NXN: variants seen among roughly 807,000 people sequenced by gnomAD.
NXN encodes the protein nucleoredoxin 1.
NXN carries 16 observed loss-of-function variants against 48.6 expected under a neutral mutation model. That is an observed-to-expected ratio of 0.33 (90% CI 0.22 to 0.50). The LOEUF is 0.50. Ranked by LOEUF, NXN falls within the 20% of genes least tolerant of loss-of-function variation. NXN has a pLI of 0.98. For synonymous variants in NXN, 281 were observed against 269.6 expected (o/e 1.04, Z -0.41); for missense variants, 492 against 605.5 (o/e 0.81, Z 1.97).
At chr17:904,382 C>T (rs779585442) in intron 1 of NXN, among the ~76,000 whole-genome samples, 4 of 152,154 alleles carry the variant, frequency 2.6e-5, no homozygotes, top group South Asian at 2.1e-4. Context: ...ACGCACACGT[C>T]GGAAAAAGCT....
rs1305523590 is a variant in NXN, at chr17:849,593, A to G, written c.361-23515T>C. 6.6e-6 allele frequency among the ~76,000 whole-genome samples: 1 copy of G among 151,374 alleles called. No individual in the cohort carries two copies. Among genetic ancestry groups the G allele is most frequent in the Non-Finnish European group, 1.5e-5 (1 of 67,926 alleles). ...AGGAGGGCACCGCACTGGCCCTCTCAGCCTCAGGGGCCGCTGGACTCCCTC... is the reference window on the plus strand; with the variant it reads ...AGGAGGGCACCGCACTGGCCCTCTCGGCCTCAGGGGCCGCTGGACTCCCTC... On this transcript the variant is annotated intron_variant, in intron 1 of 7. Coordinates refer to ENST00000336868, the MANE Select transcript of NXN (RefSeq NM_022463.5). This position sits in a 1 kb window ranked among gnomAD's most constrained non-coding sequence, Gnocchi z 4.2.
chr17:851,099 A>G (rs2067918798), intron 1 of NXN, among the ~76,000 whole-genome samples: 1 of 152,370 alleles, frequency 6.6e-6, no homozygotes, highest in South Asian at 2.1e-4. Context: ...CGCTTTAAAG[A>G]GCATGATAAT....
chr17:879,645 G>A (rs868399052), intron 1 of NXN, among the ~76,000 whole-genome samples: 3 of 152,064 alleles, frequency 2.0e-5, no homozygotes, highest in Non-Finnish European at 1.5e-5. Flanking sequence ...GAAAGGACAC[G>A]ACTCATTGAC....
At chr17:884,152 C>A (rs776844349) in intron 1 of NXN, among the ~76,000 whole-genome samples, 7 of 151,878 alleles carry the variant, frequency 4.6e-5, no homozygotes, top group Non-Finnish European at 8.8e-5. Flanking sequence ...ACCTGGGAGG[C>A]GGAGCTTGCA....
intron 1 of NXN, among the ~76,000 whole-genome samples, chr17:927,157 G>GA (rs2068808738): frequency 6.6e-6 from 1 of 151,656 alleles, no homozygotes; most frequent in Admixed American, 6.6e-5. Flanking sequence ...ACTAAAAACA[G>GA]AAAAAATTAG....
At chr17:882,127 A>G (rs539718134) in intron 1 of NXN, among the ~76,000 whole-genome samples, 2 of 152,316 alleles carry the variant, frequency 1.3e-5, no homozygotes, top group Admixed American at 1.3e-4. Flanking sequence ...ACCAACAAGA[A>G]GGAGAAAAAA....
chr17:825,423 C>CGGCCCTGGAAAGACGCCACGT lies in NXN; in HGVS notation c.478+537_478+538insACGTGGCGTCTTTCCAGGGCC, dbSNP rs1913048332. On this transcript the variant is annotated intron_variant, in intron 2 of 7. Transcript: ENST00000336868. This position sits in a 1 kb window ranked among gnomAD's most constrained non-coding sequence, Gnocchi z 4.1. Reference sequence around the variant, plus strand: ...CACTGCCAGAGGGAAAGACGCCACGCGGACGGCCCTGAGCGGGGCGGCTGG... The same window carrying CGGCCCTGGAAAGACGCCACGT: ...CACTGCCAGAGGGAAAGACGCCACGCGGCCCTGGAAAGACGCCACGTGGACGGCCCTGAGCGGGGCGGCTGG... 1 of 154,156 alleles carries CGGCCCTGGAAAGACGCCACGT rather than the reference C, an allele frequency of 6.5e-6. No individual in the cohort carries two copies. The highest frequency in any genetic ancestry group is 2.0e-4 in the South Asian group (1 of 4,984). The allele number at this position is 154,156 out of a possible 1,614,324, so 9.5% of individuals were successfully genotyped here. A position where few individuals can be genotyped will look rare whatever the true frequency, so the allele number is the denominator to read the frequency against.
At chr17:910,723 G>A (rs946856387) in intron 1 of NXN, 3 of 152,196 alleles carry the variant, frequency 2.0e-5, no homozygotes, top group Non-Finnish European at 2.9e-5. Flanking sequence ...TCCTTGGAAT[G>A]GTCAACCCAG....
chr17:823,555 G>A (rs1912932802), intron 3 of NXN, 77 bp downstream of exon 3: 1 of 1,563,952 alleles, frequency 6.4e-7, no homozygotes, highest in Non-Finnish European at 8.7e-7. Context: ...CTCACCCCCA[G>A]AAGCCAACCA....
chr17:898,347 TC>T, intron 1 of NXN, among the ~76,000 whole-genome samples: 1 of 151,932 alleles, frequency 6.6e-6, no homozygotes, highest in Non-Finnish European at 1.5e-5. Context: ...CCTCTTCAGC[TC>T]CCCTGCCTGG....
intron 1 of NXN, among the ~76,000 whole-genome samples, chr17:865,250 C>CTT (rs11428807): frequency 0.025 from 3,728 of 149,666 alleles, 133 homozygotes; most frequent in African/African-American, 0.084. Context: ...TGGAGTTACA[C>CTT]TTTTTTTTTT....
intron 1 of NXN, among the ~76,000 whole-genome samples, chr17:949,736 G>A (rs190048361): frequency 2.2e-4 from 31 of 143,026 alleles, no homozygotes; most frequent in South Asian, 4.7e-4. Flanking sequence ...CTCTCCCCGC[G>A]GGCCTCCTCT....
chr17:979,767 T>G lies in NXN; in HGVS notation c.-89A>C. ...AGGCGGCGGCGTCGGCGGCAGGCGC[T>G]GGGGAGAGCAGAGCCCGGCCCAGTA... is the stretch of plus-strand genomic sequence containing the variant. On this transcript the variant is annotated 5_prime_UTR_variant, in exon 1 of 8. Coordinates refer to ENST00000336868, the MANE Select transcript of NXN (RefSeq NM_022463.5). 2 of 1,126,338 alleles carry G rather than the reference T, an allele frequency of 1.8e-6. No individual in the cohort carries two copies. The highest frequency in any genetic ancestry group is 2.2e-6 in the Non-Finnish European group (2 of 889,682). 69.8% of individuals were successfully genotyped at this position (1,126,338 alleles called of 1,614,324 possible).
rs1453422717 is a variant in NXN, at chr17:877,155, G to GT, written c.361-51078dup. ...CAACTATGGGAACAGCGACGGTGTT[G>GT]TTTTTTTTTGGAGACGGAGTCTCAC... On this transcript the variant is annotated intron_variant, in intron 1 of 7. Coordinates refer to ENST00000336868, the MANE Select transcript of NXN (RefSeq NM_022463.5). Among the ~76,000 whole-genome samples, 779 of 150,024 alleles carry GT rather than the reference G, an allele frequency of 5.2e-3. 6 individuals carry two copies. The highest frequency in any genetic ancestry group is 0.017 in the African/African-American group (712 of 40,994).
At chr17:841,450 G>A (rs1274505271) in intron 1 of NXN, among the ~76,000 whole-genome samples, 3 of 125,626 alleles carry the variant, frequency 2.4e-5, no homozygotes, top group Non-Finnish European at 5.5e-5. Context: ...AGGTCCCCCT[G>A]ACCACGGCGC....
At chr17:962,431 G>A (rs1400414028) in intron 1 of NXN, among the ~76,000 whole-genome samples, 1 of 152,126 alleles carries the variant, frequency 6.6e-6, no homozygotes, top group Non-Finnish European at 1.5e-5. Context: ...ACTTTGGGAG[G>A]TGGAAGCAGG....
rs1158167357 is a variant in NXN, at chr17:958,434, G to A, written c.360+20885C>T. 4.6e-5 allele frequency among the ~76,000 whole-genome samples: 7 copies of A among 151,726 alleles called. No homozygotes were observed. The highest frequency in any genetic ancestry group is 2.6e-4 in the Admixed American group (4 of 15,244). On this transcript the variant is annotated intron_variant, in intron 1 of 7. Coordinates refer to ENST00000336868, the MANE Select transcript of NXN (RefSeq NM_022463.5). This position sits in a 1 kb window ranked among gnomAD's most constrained non-coding sequence, Gnocchi z 6.9. Reference sequence around the variant, plus strand: ...GGCTGAAACAGGAGGATCGCTTGAGGCCAGGCGTTCAAAACCAGCCCGGGC... The same window carrying A: ...GGCTGAAACAGGAGGATCGCTTGAGACCAGGCGTTCAAAACCAGCCCGGGC...
At position 897,007 on chromosome 17, in the gene NXN, T is replaced by C. The variant is rs2068493950; in HGVS notation, c.361-70929A>G. On this transcript the variant is annotated intron_variant, in intron 1 of 7. Transcript: ENST00000336868. ...AAGTCCCCGCGGCAGATACACGGACTCCGTAATGGAAACTCCGGCGTGCCT... is the reference window on the plus strand; with the variant it reads ...AAGTCCCCGCGGCAGATACACGGACCCCGTAATGGAAACTCCGGCGTGCCT... 5 of 1,123,720 alleles carry C rather than the reference T, an allele frequency of 4.4e-6. No homozygotes were observed. The Admixed American group carries it at 1.5e-4, about 34-fold the overall frequency. 69.6% of individuals were successfully genotyped at this position (1,123,720 alleles called of 1,614,324 possible). A position where few individuals can be genotyped will look rare whatever the true frequency, so the allele number is the denominator to read the frequency against.
intron 1 of NXN, among the ~76,000 whole-genome samples, chr17:891,993 C>T (rs1430092405): frequency 1.6e-4 from 24 of 146,656 alleles, no homozygotes; most frequent in African/African-American, 6.1e-4. Context: ...CTAACCCCAC[C>T]ATGCACAACG....
Sources: gnomAD v4.1 joint callset for allele counts (sites outside exome capture counted in the v4.1 genomes callset) on GRCh38, gnomAD v4.1.1 for gene constraint, Gnocchi (gnomAD v3.1) non-coding constraint, MANE v1.5 for transcripts, NCBI Gene and HGNC (gene_info 2026-07-23, HGNC 2026-07-21) for gene names.